The following CALD1 variants were observed in gnomAD, a reference collection of about 807,000 sequenced individuals.
CALD1 encodes the protein caldesmon 1.
A neutral mutation model predicts 99.9 loss-of-function variants in CALD1; 33 were observed. That is an observed-to-expected ratio of 0.33 (90% CI 0.25 to 0.44). The LOEUF (loss-of-function observed/expected upper bound fraction) is 0.44, where lower values mean the gene tolerates loss of function less well. Ranked by LOEUF, CALD1 falls within the 20% of genes least tolerant of loss-of-function variation. CALD1 has a pLI of 1.00. For missense variants in CALD1, 861 were observed against 962.1 expected (o/e 0.89, Z 1.39); for synonymous variants, 310 against 325.0 (o/e 0.95, Z 0.50).
At chr7:134,797,409 CAT>C (rs1187870425) in intron 1 of CALD1, among the ~76,000 whole-genome samples, 1 of 152,198 alleles carries the variant, frequency 6.6e-6, no homozygotes, top group Non-Finnish European at 1.5e-5. Context: ...GTTTCTAACA[CAT>C]GAGATCACAT....
At chr7:134,736,153 G>A in the CALD1 span, among the ~76,000 whole-genome samples, 4 of 152,298 alleles carry the variant, frequency 2.6e-5, no homozygotes, top group East Asian at 7.7e-4. Context: ...CAGGAAAAGA[G>A]TGGAGGCAAA....
chr7:134,956,965 A>G (rs1807820723), intron 9 of CALD1, among the ~76,000 whole-genome samples: 1 of 152,168 alleles, frequency 6.6e-6, no homozygotes, highest in African/African-American at 2.4e-5. Flanking sequence ...TTGATTTAGC[A>G]GCTTCAGTTG....
chr7:134,858,306 C>G (rs1800406844), intron 2 of CALD1, among the ~76,000 whole-genome samples: 1 of 152,070 alleles, frequency 6.6e-6, no homozygotes, highest in Admixed American at 6.5e-5. Context: ...AAGCATTTCA[C>G]TTTCTCAGTT....
upstream of CALD1, among the ~76,000 whole-genome samples, chr7:134,776,991 G>A (rs1796923610): frequency 6.6e-6 from 1 of 152,056 alleles, no homozygotes; most frequent in Admixed American, 6.6e-5. Flanking sequence ...TAGACAAGGA[G>A]TCCTTTATCT....
At chr7:134,733,819 A>C in the CALD1 span, among the ~76,000 whole-genome samples, 1 of 79,550 alleles carries the variant, frequency 1.3e-5, no homozygotes, top group Non-Finnish European at 2.3e-5. Flanking sequence ...AAAAAAAAAA[A>C]CAAAAAACAA....
intron 9 of CALD1, among the ~76,000 whole-genome samples, chr7:134,951,248 C>T (rs1807317278): frequency 2.6e-5 from 4 of 152,172 alleles, no homozygotes; most frequent in Admixed American, 2.6e-4. Flanking sequence ...ACCATAGCAC[C>T]TCCTTTCAGC....
chr7:134,753,161 C>T (rs1275671648), intron 1 of CALD1, among the ~76,000 whole-genome samples: 1 of 152,050 alleles, frequency 6.6e-6, no homozygotes, highest in East Asian at 1.9e-4. Context: ...GAGTGGGAGC[C>T]TGTCTAGAGA....
chr7:134,828,464 C>T lies in CALD1; in HGVS notation c.-129-15420C>T, dbSNP rs576151619. ...ATCAATTTTTTAAAAGCCCAGCCAACCTTAACACAGATATAGGAGAGGAAA... is the reference window on the plus strand; with the variant it reads ...ATCAATTTTTTAAAAGCCCAGCCAATCTTAACACAGATATAGGAGAGGAAA... On this transcript the variant is annotated intron_variant, in intron 1 of 14. Transcript: ENST00000361675. 6.6e-5 allele frequency among the ~76,000 whole-genome samples: 10 copies of T among 152,260 alleles called. 1 individual carries two copies. In the South Asian group the frequency reaches 1.7e-3, roughly 25 times the overall value.
At chr7:134,739,888 T>A (rs1023376832), upstream of CALD1, among the ~76,000 whole-genome samples, 1 of 117,138 alleles carries the variant, frequency 8.5e-6, no homozygotes, top group Non-Finnish European at 1.9e-5. Flanking sequence ...AACAATCAAA[T>A]GGCATAATTT....
chr7:134,852,822 A>G (rs1328746570), intron 2 of CALD1, among the ~76,000 whole-genome samples: 1 of 152,188 alleles, frequency 6.6e-6, no homozygotes. Flanking sequence ...GCAAGAGAAC[A>G]TCTTGTTTTC....
intron 1 of CALD1, among the ~76,000 whole-genome samples, chr7:134,773,097 T>C (rs1936902520): frequency 6.6e-6 from 1 of 152,236 alleles, no homozygotes; most frequent in Non-Finnish European, 1.5e-5. Flanking sequence ...TCTGGAAACT[T>C]GTATCCTTTA....
intron 1 of CALD1, among the ~76,000 whole-genome samples, chr7:134,760,929 A>G (rs993190796): frequency 2.6e-5 from 4 of 152,208 alleles, no homozygotes; most frequent in African/African-American, 9.6e-5. Context: ...CAGACAGATC[A>G]AAACAGTAAA....
chr7:134,950,361 C>A lies in CALD1; in HGVS notation c.1795-13C>A. The A allele has an allele frequency of 6.2e-7, 1 of 1,613,520 alleles. No homozygotes were observed. Among genetic ancestry groups the A allele is most frequent in the South Asian group, 1.1e-5 (1 of 91,012 alleles). ...TGGTACTGATGCCTCGTTATTTGTT[C>A]TTTCTCTCTTAGGAAGAGAAGAGGA... On this transcript the variant is annotated splice_polypyrimidine_tract_variant and intron_variant, in intron 8 of 14. Coordinates refer to ENST00000361675, the MANE Select transcript of CALD1 (RefSeq NM_033138.4).
At chr7:134,798,593 C>T in intron 1 of CALD1, among the ~76,000 whole-genome samples, 1 of 152,188 alleles carries the variant, frequency 6.6e-6, no homozygotes, top group East Asian at 1.9e-4. Context: ...GTGACGTTCC[C>T]CCAAATCTTG....
Position 134,933,565 on chromosome 7 carries a change from G to T in CALD1, c.796G>T (p.Glu266Ter). The T allele has an allele frequency of 1.2e-6, 2 of 1,613,712 alleles. No homozygotes were observed. The highest frequency in any genetic ancestry group is 1.7e-6 in the Non-Finnish European group (2 of 1,179,830). ...GGAAGAGGAAGACAAGGAAAGAGCT[G>T]AGGCAGAGAGGGCAAGGTTGGAAGC... ...KMEEEDKERA[E>*]AERARLEAEE... Residue 266 changes from glutamate to a stop codon, truncating the protein, a stop_gained, in exon 5 of 15, where the codon GAG becomes TAG. Coordinates refer to ENST00000361675, the MANE Select transcript of CALD1 (RefSeq NM_033138.4). LOFTEE classifies it high-confidence loss of function.
Position 134,960,084 on chromosome 7 carries a change from C to A in CALD1, c.2172C>A (p.Ser724=). The change falls in exon 12 of 15, where the codon TCC becomes TCA. Residue 724 remains serine (S), a synonymous_variant. Coordinates refer to ENST00000361675, the MANE Select transcript of CALD1 (RefSeq NM_033138.4). The stretch of plus-strand genomic sequence containing the variant: ...GGGAGAAAGGGAATGTGTTTTCATC[C>A]CCCACTGCAGCAGGCACACCAAATA... ...SMWEKGNVFS[S]PTAAGTPNKE... 6.2e-7 allele frequency: 1 copy of A among 1,614,118 alleles called. No individual in the cohort carries two copies. Among genetic ancestry groups the A allele is most frequent in the Non-Finnish European group, 8.5e-7 (1 of 1,179,986 alleles).
At chr7:134,750,074 T>C (rs1294109108) in intron 1 of CALD1, among the ~76,000 whole-genome samples, 1 of 151,504 alleles carries the variant, frequency 6.6e-6, no homozygotes, top group African/African-American at 2.4e-5. Flanking sequence ...ACCAACTATC[T>C]TGGGGGACAA....
intron 1 of CALD1, among the ~76,000 whole-genome samples, chr7:134,827,978 G>A (rs537210550): frequency 6.6e-6 from 1 of 152,152 alleles, no homozygotes; most frequent in Non-Finnish European, 1.5e-5. Flanking sequence ...TGGGCAAAGG[G>A]GGCAGGTGTC....
chr7:134,920,772 C>A, intron 3 of CALD1: 1 of 891,804 alleles, frequency 1.1e-6, no homozygotes, highest in Non-Finnish European at 1.6e-6. Flanking sequence ...TTCATTCTGT[C>A]AGATAGTGAG....
Sources: allele counts gnomAD v4.1 joint callset (sites outside exome capture counted in the v4.1 genomes callset), GRCh38; gene constraint gnomAD v4.1.1; transcripts MANE v1.5; gene names NCBI Gene and HGNC (gene_info 2026-07-23, HGNC 2026-07-21).